SLC22A14: variants seen among roughly 807,000 people sequenced by gnomAD.
SLC22A14 encodes the protein solute carrier family 22 member 14.
SLC22A14 carries 50 observed loss-of-function variants against 53.9 expected under a neutral mutation model. That is an observed-to-expected ratio of 0.93 (90% CI 0.74 to 1.17). The LOEUF (loss-of-function observed/expected upper bound fraction) is 1.17. Ranked by LOEUF, SLC22A14 falls within the 50% of genes most tolerant of loss-of-function variation. SLC22A14 has a pLI of 0.00. For missense variants in SLC22A14, 671 were observed against 734.7 expected (o/e 0.91, Z 1.00); for synonymous variants, 312 against 303.0 (o/e 1.03, Z -0.31).
intron 1 of SLC22A14, among the ~76,000 whole-genome samples, chr3:38,288,956 G>T (rs975470086): frequency 6.6e-6 from 1 of 152,004 alleles, no homozygotes; most frequent in Non-Finnish European, 1.5e-5. Context: ...AAGATGGGAG[G>T]ATCACTCGAG....
At chr3:38,279,761 A>T (rs1290262752), upstream of SLC22A14, among the ~76,000 whole-genome samples, 1 of 152,016 alleles carries the variant, frequency 6.6e-6, no homozygotes, top group Non-Finnish European at 1.5e-5. Flanking sequence ...GAAGGAGAAG[A>T]TATGCAGCTT....
chr3:38,281,697 A>G (rs2298420), upstream of SLC22A14, among the ~76,000 whole-genome samples: 8,333 of 152,290 alleles, frequency 0.055, 242 homozygotes, highest in Middle Eastern at 0.14. Context: ...AAGTTTCAAC[A>G]TGAGTTTTGG....
upstream of SLC22A14, among the ~76,000 whole-genome samples, chr3:38,278,841 AGAT>A (rs1444531550): frequency 2.0e-5 from 3 of 149,664 alleles, no homozygotes; most frequent in African/African-American, 7.4e-5. Flanking sequence ...AAAAAAAAAA[AGAT>A]GGCCTTCTTA....
intron 1 of SLC22A14, among the ~76,000 whole-genome samples, chr3:38,300,972 G>A (rs937762151): frequency 1.8e-4 from 28 of 152,206 alleles, no homozygotes; most frequent in African/African-American, 6.3e-4. Flanking sequence ...ACCATGCCTG[G>A]CTAATTTTTT....
At chr3:38,290,566 A>C (rs1431458640) in intron 1 of SLC22A14, among the ~76,000 whole-genome samples, 2 of 152,240 alleles carry the variant, frequency 1.3e-5, no homozygotes, top group Admixed American at 6.5e-5. Context: ...GGCCTAGTCC[A>C]GTAAACAATA....
At chr3:38,303,690 A>G (rs931771711) in intron 1 of SLC22A14, 2 of 151,826 alleles carry the variant, frequency 1.3e-5, no homozygotes, top group Non-Finnish European at 2.9e-5. Flanking sequence ...ATTTGCTTAC[A>G]TTTTTCCCAT....
chr3:38,295,016 A>G (rs911653808), intron 1 of SLC22A14, among the ~76,000 whole-genome samples: 2 of 152,218 alleles, frequency 1.3e-5, no homozygotes, highest in Non-Finnish European at 2.9e-5. Context: ...AACAGATCCA[A>G]CGTTTGAGCA....
upstream of SLC22A14, among the ~76,000 whole-genome samples, chr3:38,280,892 A>G (rs1303797794): frequency 6.6e-6 from 1 of 152,230 alleles, no homozygotes; most frequent in Non-Finnish European, 1.5e-5. Context: ...AGCCTCCCAA[A>G]GTGCTGGGAT....
chr3:38,298,418 A>G (rs1162617741), intron 1 of SLC22A14, among the ~76,000 whole-genome samples: 1 of 141,684 alleles, frequency 7.1e-6, no homozygotes, highest in East Asian at 2.1e-4. Context: ...ATAGACTTGC[A>G]CACACATCTA....
chr3:38,302,020 G>A (rs1479782813), intron 1 of SLC22A14, among the ~76,000 whole-genome samples: 1 of 150,826 alleles, frequency 6.6e-6, no homozygotes, highest in Non-Finnish European at 1.5e-5. Flanking sequence ...ATCACCCAAG[G>A]TCAGGAGTTC....
intron 1 of SLC22A14, among the ~76,000 whole-genome samples, chr3:38,292,272 T>C (rs183814692): frequency 2.0e-5 from 3 of 152,182 alleles, no homozygotes; most frequent in Admixed American, 1.3e-4. Context: ...ACAGTCCAGG[T>C]GAGTTGAGAT....
At chr3:38,310,461 T>C (rs1704439290) in intron 5 of SLC22A14, among the ~76,000 whole-genome samples, 1 of 152,172 alleles carries the variant, frequency 6.6e-6, no homozygotes, top group African/African-American at 2.4e-5. Context: ...CTCAGGATAG[T>C]GGCCAAGGGG....
In SLC22A14 at chr3:38,307,558, A is replaced by C. The variant is rs147820956; in HGVS notation, c.621-8A>C. 3.9e-3 allele frequency: 6,276 copies of C among 1,612,874 alleles called. 193 individuals are homozygous for C. In the African/African-American group the frequency reaches 0.069, roughly 18 times the overall value. On this transcript the variant is annotated splice_region_variant and splice_polypyrimidine_tract_variant and intron_variant, in intron 3 of 10. Coordinates refer to ENST00000448498, the MANE Select transcript of SLC22A14 (RefSeq NM_001320033.2). This position sits in a 1 kb window ranked among gnomAD's most constrained non-coding sequence, Gnocchi z 4.4. ...GCACTTGGTGCAGCCTCCCTTTGACACCTGTAGGATGGGCCGCTACCCTGC... is the reference window on the plus strand; with the variant it reads ...GCACTTGGTGCAGCCTCCCTTTGACCCCTGTAGGATGGGCCGCTACCCTGC...
chr3:38,301,771 G>T (rs1217483304), intron 1 of SLC22A14, among the ~76,000 whole-genome samples: 1 of 150,252 alleles, frequency 6.7e-6, no homozygotes, highest in Admixed American at 6.6e-5. Flanking sequence ...GGAGGGGATA[G>T]TTTTTTCGTT....
At chr3:38,297,809 A>G (rs988431779) in intron 1 of SLC22A14, among the ~76,000 whole-genome samples, 4 of 152,108 alleles carry the variant, frequency 2.6e-5, no homozygotes, top group Admixed American at 6.5e-5. Flanking sequence ...CTTCACTATG[A>G]AGTTATTATT....
chr3:38,316,226 G>T (rs1704613353), intron 9 of SLC22A14, 98 bp from the exon 10 acceptor site: 7 of 1,019,722 alleles, frequency 6.9e-6, no homozygotes, highest in Middle Eastern at 6.0e-4. Flanking sequence ...ATGGGACAGG[G>T]TGGAGACTGG....
chr3:38,314,191 G>A (rs1704563006), intron 8 of SLC22A14, among the ~76,000 whole-genome samples: 1 of 152,182 alleles, frequency 6.6e-6, no homozygotes. Flanking sequence ...ACTTTCCAGA[G>A]GACAGCAGGC....
rs753331 is a variant in SLC22A14, at chr3:38,307,252, A to C, written c.517-2A>C. On this transcript the variant is annotated splice_acceptor_variant, in intron 2 of 10. Transcript: ENST00000448498. LOFTEE classifies it high-confidence loss of function. The surrounding 1 kb of genome is among the most constrained non-coding windows in gnomAD (Gnocchi z 4.4). ...TGGCCAATCTCTGTGTCTGACCCACAGTTTGACTTGGTATGTGGCATGGAG... is the reference window on the plus strand; with the variant it reads ...TGGCCAATCTCTGTGTCTGACCCACCGTTTGACTTGGTATGTGGCATGGAG... 13,860 of 1,611,944 alleles carry C rather than the reference A, an allele frequency of 8.6e-3. 1,504 individuals carry two copies. In the East Asian group the frequency reaches 0.25, roughly 29 times the overall value.
chr3:38,283,307 G>A (rs1047733267), intron 1 of SLC22A14, among the ~76,000 whole-genome samples: 9 of 151,998 alleles, frequency 5.9e-5, no homozygotes, highest in African/African-American at 1.9e-4. Context: ...ACATATTTAC[G>A]AGTTCTGAGG....
Sources: gnomAD v4.1 joint callset for allele counts (sites outside exome capture counted in the v4.1 genomes callset) on GRCh38, gnomAD v4.1.1 for gene constraint, Gnocchi (gnomAD v3.1) non-coding constraint, MANE v1.5 for transcripts, NCBI Gene and HGNC (gene_info 2026-07-23, HGNC 2026-07-21) for gene names.